The following VCAN variants were observed in gnomAD, a reference collection of about 807,000 sequenced individuals.
The protein encoded by VCAN is versican.
VCAN carries 44 observed loss-of-function variants against 245.5 expected under a neutral mutation model. The observed-to-expected ratio is 0.18, with a 90% confidence interval of 0.14 to 0.23. The LOEUF (loss-of-function observed/expected upper bound fraction) is 0.23. VCAN is among the 10% of genes least tolerant of loss of function. The pLI is 1.00. For synonymous variants in VCAN, 1,413 were observed against 1,437.0 expected (o/e 0.98, Z 0.38); for missense variants, 3,793 against 4,057.9 (o/e 0.93, Z 1.77).
chr5:83,552,813 A>G (rs1747520959), intron 10 of VCAN, among the ~76,000 whole-genome samples: 2 of 152,186 alleles, frequency 1.3e-5, no homozygotes, highest in African/African-American at 4.8e-5. Context: ...TTCTAGCTGT[A>G]TCCCAAAACG....
chr5:83,490,437 A>G lies in VCAN; in HGVS notation c.410A>G (p.Glu137Gly). 6.2e-7 allele frequency: 1 copy of G among 1,614,178 alleles called. No homozygotes were observed. The change falls in exon 3 of 15, where the codon GAA becomes GGA. Residue 137 changes from glutamate (E) to glycine (G), a missense_variant. Physicochemically the swap from Glu to Gly is moderately conservative, Grantham distance 98. Transcript: ENST00000265077. ...LYRCDVMYGI[E>G]DTQDTVSLTV... is the part of the protein sequence containing the mutation. ...CGCTGTGACGTCATGTACGGGATTG[A>G]AGACACACAAGACACGGTGTCACTG...
intron 10 of VCAN, among the ~76,000 whole-genome samples, chr5:83,548,317 A>G (rs541432616): frequency 6.6e-6 from 1 of 152,336 alleles, no homozygotes; most frequent in Admixed American, 6.5e-5. Flanking sequence ...CCAGCCAATA[A>G]AAGGAATATT....
chr5:83,488,777 T>C (rs1227549715), intron 2 of VCAN, among the ~76,000 whole-genome samples: 2 of 152,234 alleles, frequency 1.3e-5, no homozygotes, highest in Admixed American at 1.3e-4. Flanking sequence ...ACAGCAATGG[T>C]TATTATACAT....
At chr5:83,574,651 G>A (rs955793761) in intron 13 of VCAN, among the ~76,000 whole-genome samples, 2 of 152,066 alleles carry the variant, frequency 1.3e-5, no homozygotes, top group African/African-American at 2.4e-5. Context: ...TATGTCTTTT[G>A]GGATTATAAT....
At chr5:83,476,546 T>C (rs1744399023) in intron 1 of VCAN, among the ~76,000 whole-genome samples, 1 of 152,206 alleles carries the variant, frequency 6.6e-6, no homozygotes, top group South Asian at 2.1e-4. Flanking sequence ...GCATGTACTC[T>C]CCCTGATTTG....
intron 12 of VCAN, among the ~76,000 whole-genome samples, chr5:83,555,666 T>A (rs960843215): frequency 1.3e-5 from 2 of 152,204 alleles, no homozygotes; most frequent in African/African-American, 4.8e-5. Flanking sequence ...CTCAAATAAA[T>A]CTAATTTTTA....
intron 12 of VCAN, among the ~76,000 whole-genome samples, chr5:83,567,755 T>C (rs1482449614): frequency 6.6e-6 from 1 of 152,200 alleles, no homozygotes; most frequent in Non-Finnish European, 1.5e-5. Context: ...CTTGAGTCCC[T>C]GAGGCACAGA....
At chr5:83,497,035 A>G (rs1745179187) in intron 5 of VCAN, among the ~76,000 whole-genome samples, 2 of 152,192 alleles carry the variant, frequency 1.3e-5, no homozygotes, top group African/African-American at 4.8e-5. Flanking sequence ...GTGTGTGTGT[A>G]TGAGAAATGG....
Position 83,539,731 on chromosome 5 carries a change from C to T in VCAN, c.6728C>T (p.Thr2243Ile), listed in dbSNP as rs573832087. Reference protein sequence around the residue: ...TKHFPKGMRPTIQESDTELLF... With the variant: ...TKHFPKGMRPIIQESDTELLF... ...CATTTTCCGAAAGGCATGAGACCAA[C>T]AATTCAAGAGTCAGATACTGAGCTC... is the stretch of plus-strand genomic sequence containing the variant. Residue 2243 changes from threonine (T) to isoleucine (I), a missense_variant, in exon 8 of 15, where the codon ACA (threonine) becomes ATA (isoleucine). Coordinates refer to ENST00000265077, the MANE Select transcript of VCAN (RefSeq NM_004385.5). 1.2e-6 allele frequency: 2 copies of T among 1,613,780 alleles called. No individual in the cohort carries two copies. Among genetic ancestry groups the T allele is most frequent in the Non-Finnish European group, 1.7e-6 (2 of 1,179,984 alleles).
Position 83,579,965 on chromosome 5 carries a change from T to C in VCAN, c.9881-15T>C. ...CTTAGATTATTTGGAAATAACCCAA[T>C]TTGCTTTCCTTTAGTCGCTTGCGGC... On this transcript the variant is annotated splice_polypyrimidine_tract_variant and intron_variant, in intron 13 of 14. Transcript: ENST00000265077. 6.2e-7 allele frequency: 1 copy of C among 1,613,836 alleles called. No individual in the cohort carries two copies. The highest frequency in any genetic ancestry group is 8.5e-7 in the Non-Finnish European group (1 of 1,179,774).
intron 5 of VCAN, among the ~76,000 whole-genome samples, chr5:83,511,105 A>G (rs1580618283): frequency 6.6e-6 from 1 of 150,792 alleles, no homozygotes; most frequent in Admixed American, 6.6e-5. Flanking sequence ...CTGAGCCTCC[A>G]TCTGGGGCCC....
intron 7 of VCAN, among the ~76,000 whole-genome samples, chr5:83,534,664 G>A (rs530458548): frequency 4.1e-4 from 62 of 152,126 alleles, no homozygotes; most frequent in African/African-American, 1.4e-3. Context: ...TTAAACTCCA[G>A]TTAAATCCCA....
intron 12 of VCAN, among the ~76,000 whole-genome samples, chr5:83,558,226 C>G (rs983727938): frequency 9.2e-5 from 14 of 152,140 alleles, no homozygotes; most frequent in Admixed American, 7.2e-4. Context: ...GTGTGCAGGC[C>G]TTTGAATAAA....
Position 83,512,351 on chromosome 5 carries a change from G to A in VCAN, c.997G>A (p.Gly333Ser). The A allele has an allele frequency of 6.2e-7, 1 of 1,610,850 alleles. No homozygotes were observed. Among genetic ancestry groups the A allele is most frequent in the Non-Finnish European group, 8.5e-7 (1 of 1,177,278 alleles). The change falls in exon 6 of 15, where the codon GGC (glycine) becomes AGC (serine). Residue 333 changes from glycine (G) to serine (S), a missense_variant. Physicochemically the swap from Gly to Ser is moderately conservative, Grantham distance 56 (BLOSUM62 0). Coordinates refer to ENST00000265077, the MANE Select transcript of VCAN (RefSeq NM_004385.5). ...CCTGTATCGTTTTGAGAACCAGACA[G>A]GCTTCCCTCCCCCTGATAGCAGATT... ...RTLYRFENQTGFPPPDSRFDA... is the reference protein window; with the variant it reads ...RTLYRFENQTSFPPPDSRFDA...
intron 8 of VCAN, among the ~76,000 whole-genome samples, chr5:83,542,604 G>A (rs113909590): frequency 3.8e-4 from 58 of 152,088 alleles, no homozygotes; most frequent in Non-Finnish European, 1.0e-4. Context: ...ATGTCTCATA[G>A]TTATACATGT....
intron 12 of VCAN, 64 bp downstream of exon 12, chr5:83,555,102 T>TCA: frequency 5.3e-6 from 8 of 1,503,780 alleles, no homozygotes; most frequent in Non-Finnish European, 6.5e-6. Flanking sequence ...GTGCACTGAT[T>TCA]GTGCATTACA....
At chr5:83,558,865 G>T (rs1277482693) in intron 12 of VCAN, among the ~76,000 whole-genome samples, 2 of 151,834 alleles carry the variant, frequency 1.3e-5, no homozygotes, top group African/African-American at 4.8e-5. Flanking sequence ...TTTATTTGGG[G>T]TGTTTGCCCA....
intron 12 of VCAN, among the ~76,000 whole-genome samples, chr5:83,571,097 T>G (rs2112497461): frequency 6.6e-6 from 1 of 152,294 alleles, no homozygotes; most frequent in South Asian, 2.1e-4. Flanking sequence ...GTTGTCATAC[T>G]AGACATGATA....
chr5:83,537,741 G>A lies in VCAN; in HGVS notation c.4738G>A (p.Val1580Ile), dbSNP rs141598874. The change falls in exon 8 of 15, where the codon GTC becomes ATC. Residue 1580 changes from valine (V) to isoleucine (I), a missense_variant. This residue lies in a region of VCAN where 3,182 missense variants were observed against 3,250.3 expected (regional missense o/e 0.98). Transcript: ENST00000265077. ...FGEEVEKSTSVTYTPTIVPSS... is the reference protein window; with the variant it reads ...FGEEVEKSTSITYTPTIVPSS... ...TGAAGAGGTAGAAAAAAGTACTTCT[G>A]TCACATACACTCCCACTATAGTTCC... The A allele has an allele frequency of 6.2e-7, 1 of 1,613,872 alleles. No individual in the cohort carries two copies. The highest frequency in any genetic ancestry group is 1.3e-5 in the African/African-American group (1 of 74,910).
Sources: allele counts gnomAD v4.1 joint callset (sites outside exome capture counted in the v4.1 genomes callset), GRCh38; gene constraint gnomAD v4.1.1; regional missense constraint gnomAD v4.1.1; transcripts MANE v1.5; gene names NCBI Gene and HGNC (gene_info 2026-07-23, HGNC 2026-07-21).